KCNAB1: variants seen among roughly 807,000 people sequenced by gnomAD.
KCNAB1 encodes the protein potassium voltage-gated channel subfamily A regulatory beta subunit 1, also known as voltage-gated potassium channel subunit beta-1.
KCNAB1 carries 35 observed loss-of-function variants against 64.6 expected under a neutral mutation model. That is an observed-to-expected ratio of 0.54 (90% CI 0.41 to 0.72). The LOEUF (loss-of-function observed/expected upper bound fraction) is 0.72. Among genes scored for constraint, KCNAB1 ranks in the 30% least tolerant of loss-of-function variants. The pLI, the probability that KCNAB1 is intolerant of heterozygous loss-of-function variation, is 0.00. For synonymous variants in KCNAB1, 177 were observed against 183.8 expected (o/e 0.96, Z 0.30); for missense variants, 401 against 512.9 (o/e 0.78, Z 2.11).
chr3:156,501,422 C>CT (rs34628325), intron 8 of KCNAB1, among the ~76,000 whole-genome samples: 7,219 of 82,556 alleles, frequency 0.087, 1,050 homozygotes, highest in African/African-American at 0.16. Context: ...GACTTAGTAC[C>CT]TTTTTTTTTT....
intron 1 of KCNAB1, among the ~76,000 whole-genome samples, chr3:156,153,166 A>G (rs1283429022): frequency 6.6e-6 from 1 of 152,204 alleles, no homozygotes; most frequent in African/African-American, 2.4e-5. Context: ...AAGCCGCTGG[A>G]TATCAGTCAC....
intron 1 of KCNAB1, among the ~76,000 whole-genome samples, chr3:156,304,524 A>G (rs181298905): frequency 1.2e-4 from 19 of 152,324 alleles, no homozygotes; most frequent in African/African-American, 4.1e-4. Context: ...TGACCAGCGT[A>G]TGTTTATACT....
intron 7 of KCNAB1, among the ~76,000 whole-genome samples, chr3:156,470,299 G>C (rs1267002542): frequency 2.0e-5 from 3 of 152,124 alleles, no homozygotes; most frequent in Middle Eastern, 3.2e-3. Context: ...TACTCATTCA[G>C]CCATTCCACA....
intron 2 of KCNAB1, among the ~76,000 whole-genome samples, chr3:156,434,520 A>G (rs1000348173): frequency 1.2e-4 from 18 of 152,214 alleles, no homozygotes; most frequent in African/African-American, 4.3e-4. Context: ...AGCATAAAAT[A>G]ACATATCAGA....
chr3:156,198,081 C>T (rs141281318), intron 1 of KCNAB1, among the ~76,000 whole-genome samples: 2 of 152,236 alleles, frequency 1.3e-5, no homozygotes, highest in South Asian at 2.1e-4. Context: ...GTTCGGTTTC[C>T]ATGTAGTTGC....
At chr3:156,368,884 C>A (rs1726124708) in intron 1 of KCNAB1, among the ~76,000 whole-genome samples, 1 of 152,204 alleles carries the variant, frequency 6.6e-6, no homozygotes, top group Admixed American at 6.5e-5. Flanking sequence ...CCCCAAGCTC[C>A]TTGGTAAAGC....
intron 1 of KCNAB1, among the ~76,000 whole-genome samples, chr3:156,243,082 G>T (rs929873373): frequency 4.0e-5 from 6 of 151,242 alleles, no homozygotes; most frequent in African/African-American, 1.5e-4. Flanking sequence ...GCCAATTTTT[G>T]TATTTTTAGG....
intron 8 of KCNAB1, among the ~76,000 whole-genome samples, chr3:156,484,024 G>C (rs978411002): frequency 6.6e-5 from 10 of 152,062 alleles, no homozygotes; most frequent in Non-Finnish European, 1.3e-4. Flanking sequence ...TGTATTTTCC[G>C]CTTTCTTTGG....
At chr3:156,227,258 C>T (rs1410057010) in intron 1 of KCNAB1, among the ~76,000 whole-genome samples, 3 of 152,132 alleles carry the variant, frequency 2.0e-5, no homozygotes, top group East Asian at 3.9e-4. Flanking sequence ...AACGTGAACT[C>T]CTTTTGATAG....
chr3:156,309,436 T>A (rs1721737059), intron 1 of KCNAB1, among the ~76,000 whole-genome samples: 2 of 152,242 alleles, frequency 1.3e-5, no homozygotes, highest in Admixed American at 1.3e-4. Context: ...TATAAGCCCA[T>A]GCTGTTCATG....
At chr3:156,367,145 G>C (rs1725993395) in intron 1 of KCNAB1, among the ~76,000 whole-genome samples, 1 of 150,342 alleles carries the variant, frequency 6.7e-6, no homozygotes, top group Admixed American at 6.6e-5. Flanking sequence ...TCACCTCCCT[G>C]CAAGTGGCAT....
intron 1 of KCNAB1, among the ~76,000 whole-genome samples, chr3:156,357,476 T>C (rs73873330): frequency 0.011 from 1,641 of 152,304 alleles, 28 homozygotes; most frequent in African/African-American, 0.037. Context: ...CAAGATTCTG[T>C]TTTTTCTTTA....
At position 156,292,430 on chromosome 3, in the gene KCNAB1, T is replaced by C. The variant is rs529535596; in HGVS notation, c.276-129186T>C. On this transcript the variant is annotated intron_variant, in intron 1 of 13. Transcript: ENST00000490337. ...GCTGGAACTGGTATTTAGATCAGGA[T>C]AGTTTTTCAGTAGCAAATGTGTTTG... Among the ~76,000 whole-genome samples the C allele has an allele frequency of 2.6e-5, 4 of 152,340 alleles. No homozygotes were observed. The South Asian group carries it at 8.3e-4, about 32-fold the overall frequency.
At chr3:156,432,272 A>G (rs1398023954) in intron 2 of KCNAB1, among the ~76,000 whole-genome samples, 1 of 152,210 alleles carries the variant, frequency 6.6e-6, no homozygotes, top group African/African-American at 2.4e-5. Context: ...TTTGTGAGTC[A>G]ATTCAATTTG....
At chr3:156,534,504 G>C (rs1282203581) in intron 13 of KCNAB1, among the ~76,000 whole-genome samples, 1 of 152,100 alleles carries the variant, frequency 6.6e-6, no homozygotes, top group African/African-American at 2.4e-5. Flanking sequence ...CATCAGAGAA[G>C]GCCAGGCTCC....
intron 1 of KCNAB1, among the ~76,000 whole-genome samples, chr3:156,230,111 T>C (rs1007245562): frequency 1.3e-5 from 2 of 152,144 alleles, no homozygotes; most frequent in Non-Finnish European, 2.9e-5. Context: ...TATCATCCAG[T>C]TTTAAGTTTC....
chr3:156,439,003 G>T (rs1716795144), intron 2 of KCNAB1, among the ~76,000 whole-genome samples: 1 of 142,848 alleles, frequency 7.0e-6, no homozygotes, highest in Admixed American at 7.3e-5. Flanking sequence ...GACAGAGCAA[G>T]ACTCTATCTC....
In KCNAB1 at chr3:156,537,295, A is replaced by C. The variant is rs1489395411; in HGVS notation, c.*548A>C. The C allele has an allele frequency of 5.3e-6, 2 of 377,596 alleles. No homozygotes were observed. Among genetic ancestry groups the C allele is most frequent in the African/African-American group, 4.2e-5 (2 of 48,188 alleles). 23.4% of individuals were successfully genotyped at this position (377,596 alleles called of 1,614,324 possible). On this transcript the variant is annotated 3_prime_UTR_variant, in exon 14 of 14. Transcript: ENST00000490337. ...AAGTCTTGCTTGGAAGAATAAGCAG[A>C]AATAATTTTATATATTTTTTTTCTA...
intron 1 of KCNAB1, among the ~76,000 whole-genome samples, chr3:156,403,634 C>A (rs1424898475): frequency 7.9e-5 from 12 of 152,114 alleles, no homozygotes; most frequent in Non-Finnish European, 4.4e-5. Flanking sequence ...GTGGCTCACA[C>A]CTGTAATTCC....
Sources: allele counts gnomAD v4.1 joint callset (sites outside exome capture counted in the v4.1 genomes callset), GRCh38; gene constraint gnomAD v4.1.1; transcripts MANE v1.5; gene names NCBI Gene and HGNC (gene_info 2026-07-23, HGNC 2026-07-21).